Variants in SUGP1 observed in about 807,000 individuals in gnomAD.
The protein encoded by SUGP1 is SURP and G-patch domain-containing protein 1.
Under a neutral mutation model 76.5 loss-of-function variants are expected in SUGP1, and 34 were observed. The observed-to-expected ratio is 0.44, with a 90% CI of 0.34 to 0.59. SUGP1 has a LOEUF of 0.59. SUGP1 is among the 20% of genes least tolerant of loss of function. The probability of loss-of-function intolerance (pLI) is 0.01; values close to 1 mark genes in which losing one functional copy is unlikely to be tolerated. For synonymous variants in SUGP1, 326 were observed against 326.2 expected (o/e 1.00, Z 0.01); for missense variants, 752 against 851.7 (o/e 0.88, Z 1.46).
intron 7 of SUGP1, among the ~76,000 whole-genome samples, chr19:19,298,541 A>C (rs2061246828): frequency 6.6e-6 from 1 of 152,032 alleles, no homozygotes; most frequent in Non-Finnish European, 1.5e-5. Flanking sequence ...GACCCCTTAG[A>C]CAGTTTCTAG....
intron 8 of SUGP1, among the ~76,000 whole-genome samples, chr19:19,284,725 T>G (rs1223328369): frequency 2.6e-5 from 4 of 152,198 alleles, no homozygotes; most frequent in Non-Finnish European, 5.9e-5. Context: ...AAAGGATGGT[T>G]TGACAGGTTT....
At chr19:19,316,344 C>A in intron 2 of SUGP1, 78 bp downstream of exon 2, 1 of 1,551,816 alleles carries the variant, frequency 6.4e-7, no homozygotes, top group South Asian at 1.2e-5. Context: ...TGCTGACTGC[C>A]CTCACAAGCC....
chr19:19,309,189 A>G (rs1378790880), intron 3 of SUGP1, among the ~76,000 whole-genome samples: 2 of 152,104 alleles, frequency 1.3e-5, no homozygotes, highest in Admixed American at 6.5e-5. Context: ...ATTAATTTAC[A>G]TATTTATTAC....
intron 11 of SUGP1, 113 bp from the exon 12 acceptor site, chr19:19,277,992 T>A: frequency 7.7e-7 from 1 of 1,298,022 alleles, no homozygotes; most frequent in Non-Finnish European, 1.1e-6. Flanking sequence ...CCCATCTGCC[T>A]CCCTCTCACC....
At position 19,300,243 on chromosome 19, in the gene SUGP1, T is replaced by C. The variant is rs536913160; in HGVS notation, c.887+2022A>G. Among the ~76,000 whole-genome samples the C allele has an allele frequency of 5.2e-4, 78 of 151,134 alleles. 1 individual carries two copies. Among genetic ancestry groups the C allele is most frequent in the African/African-American group, 1.8e-3 (72 of 41,106 alleles). On this transcript the variant is annotated intron_variant, in intron 7 of 13. Coordinates refer to ENST00000247001, the MANE Select transcript of SUGP1 (RefSeq NM_172231.4). Reference sequence around the variant, plus strand: ...GGCACATGACACCATGCCCAGTTAATTTCTATATTTTTAGTAGAGATGGGG... The same window carrying C: ...GGCACATGACACCATGCCCAGTTAACTTCTATATTTTTAGTAGAGATGGGG...
rs2146585248 is a variant in SUGP1, at chr19:19,276,070, T to C, written c.*578A>G. The C allele has an allele frequency of 6.5e-6, 1 of 154,120 alleles. No homozygotes were observed. Among genetic ancestry groups the C allele is most frequent in the East Asian group, 1.9e-4 (1 of 5,192 alleles). The allele number at this position is 154,120 out of a possible 1,614,324, so 9.5% of individuals were successfully genotyped here. On this transcript the variant is annotated 3_prime_UTR_variant, in exon 14 of 14. Coordinates refer to ENST00000247001, the MANE Select transcript of SUGP1 (RefSeq NM_172231.4). ...TCCAGCTTTATTATTATTATTATTA[T>C]TTGAGACAGAGTCTTGCTCTCTTGC... is the stretch of plus-strand genomic sequence containing the variant.
chr19:19,319,073 C>T (rs2061416740), intron 1 of SUGP1, among the ~76,000 whole-genome samples: 1 of 152,080 alleles, frequency 6.6e-6, no homozygotes, highest in African/African-American at 2.4e-5. Flanking sequence ...CACAAAAACA[C>T]TGGCCAGGTG....
chr19:19,277,189 C>A, intron 12 of SUGP1, 113 bp from the exon 13 acceptor site: 1 of 1,125,164 alleles, frequency 8.9e-7, no homozygotes, highest in Non-Finnish European at 1.2e-6. Context: ...TGGGCTGGGA[C>A]ATATCTGCAC....
intron 8 of SUGP1, among the ~76,000 whole-genome samples, chr19:19,282,080 A>G (rs539728403): frequency 1.3e-5 from 2 of 152,288 alleles, no homozygotes; most frequent in South Asian, 4.1e-4. Context: ...CCCAGGATCA[A>G]GCAATTCTCC....
At chr19:19,285,249 TC>T (rs200551620) in intron 8 of SUGP1, among the ~76,000 whole-genome samples, 1,509 of 148,664 alleles carry the variant, frequency 0.01, 27 homozygotes, top group African/African-American at 0.036. Context: ...CACTGCAACC[TC>T]CGCCTCCTGG....
At chr19:19,311,276 C>T (rs1433406441) in intron 2 of SUGP1, among the ~76,000 whole-genome samples, 1 of 151,626 alleles carries the variant, frequency 6.6e-6, no homozygotes, top group African/African-American at 2.4e-5. Flanking sequence ...TATATTTAGG[C>T]CCCTGGGTTT....
intron 8 of SUGP1, among the ~76,000 whole-genome samples, chr19:19,284,238 T>C (rs901301377): frequency 2.6e-4 from 40 of 152,246 alleles, no homozygotes; most frequent in African/African-American, 8.7e-4. Context: ...GAGGTTGCAG[T>C]CAGCCTAGAG....
chr19:19,320,343 G>A (rs1393592244), intron 1 of SUGP1, 120 bp downstream of exon 1: 3 of 1,095,558 alleles, frequency 2.7e-6, no homozygotes, highest in Non-Finnish European at 3.8e-6. Context: ...GACGCTGTGG[G>A]CTGCCCCGGG....
intron 8 of SUGP1, 21 bp from the exon 9 acceptor site, chr19:19,280,312 G>A (rs745448187): frequency 1.2e-6 from 2 of 1,608,756 alleles, no homozygotes; most frequent in South Asian, 2.2e-5. Flanking sequence ...AAGACACAGG[G>A]TAGTCAGAGC....
intron 8 of SUGP1, among the ~76,000 whole-genome samples, chr19:19,285,222 G>A (rs372877104): frequency 2.6e-5 from 4 of 151,754 alleles, no homozygotes; most frequent in African/African-American, 7.3e-5. Context: ...ATGGAGTGCA[G>A]TGGAGCAATC....
intron 8 of SUGP1, among the ~76,000 whole-genome samples, chr19:19,292,146 G>T (rs887805637): frequency 1.5e-4 from 22 of 151,062 alleles, no homozygotes; most frequent in Non-Finnish European, 2.8e-4. Flanking sequence ...GGTGGCAGGT[G>T]CCTGTAATCC....
At position 19,276,951 on chromosome 19, in the gene SUGP1, G is replaced by A; in HGVS notation, c.1907C>T (p.Pro636Leu). The stretch of plus-strand genomic sequence containing the variant: ...AGCCCAGGAGGACATGCGTACCAGG[G>A]GGTTGGGCCGGAAGCGGTAGGCCAG... Reference protein sequence around the residue: ...MMLAYRFRPNPLNNPRRPYY With the variant: ...MMLAYRFRPNLLNNPRRPYY Residue 636 changes from proline to leucine, a missense_variant, in exon 13 of 14, where the codon CCC (proline) becomes CTC (leucine). Physicochemically the swap from Pro to Leu is moderately conservative, Grantham distance 98. This residue lies in a region of SUGP1 where 132 missense variants were observed against 234.4 expected (regional missense o/e 0.56). Transcript: ENST00000247001. The A allele has an allele frequency of 6.2e-7, 1 of 1,613,016 alleles. No individual in the cohort carries two copies. Among genetic ancestry groups the A allele is most frequent in the Non-Finnish European group, 8.5e-7 (1 of 1,180,004 alleles).
At chr19:19,303,911 C>G in intron 4 of SUGP1, 64 bp from the exon 5 acceptor site, 1 of 1,609,226 alleles carries the variant, frequency 6.2e-7, no homozygotes, top group East Asian at 2.2e-5. Context: ...GGCACACTCT[C>G]TCTATGGACC....
In SUGP1 at chr19:19,291,995, G is replaced by A. The variant is rs375786425; in HGVS notation, c.1243+4994C>T. Among the ~76,000 whole-genome samples the A allele has an allele frequency of 3.8e-4, 57 of 151,504 alleles. 1 individual carries two copies. The East Asian group carries it at 5.3e-3, about 14-fold the overall frequency. ...AAACATTTAAAAGAAGAAATAAGCC[G>A]CGTGCAGTGATTCATGCCTGTAATC... On this transcript the variant is annotated intron_variant, in intron 8 of 13. Coordinates refer to ENST00000247001, the MANE Select transcript of SUGP1 (RefSeq NM_172231.4).
Sources: allele counts gnomAD v4.1 joint callset (sites outside exome capture counted in the v4.1 genomes callset), GRCh38; gene constraint gnomAD v4.1.1; regional missense constraint gnomAD v4.1.1; transcripts MANE v1.5; gene names NCBI Gene and HGNC (gene_info 2026-07-23, HGNC 2026-07-21).